The following CDH13 variants were observed in gnomAD, a reference collection of about 807,000 sequenced individuals.
CDH13 encodes cadherin 13.
In CDH13, 24 loss-of-function variants were observed where a neutral mutation model predicts 63.8. That is an observed-to-expected ratio of 0.38 (90% CI 0.27 to 0.53). The LOEUF is 0.53. Among genes scored for constraint, CDH13 ranks in the 20% least tolerant of loss-of-function variants. The pLI is 0.85. For missense variants in CDH13, 1,049 were observed against 903.1 expected, an observed-to-expected ratio of 1.16 and a Z score of -2.07; for synonymous variants, 503 against 355.3, an observed-to-expected ratio of 1.42 and a Z score of -4.67.
chr16:83,484,445 T>C (rs2073841360), intron 6 of CDH13, among the ~76,000 whole-genome samples: 1 of 152,256 alleles, frequency 6.6e-6, no homozygotes, highest in East Asian at 1.9e-4. Flanking sequence ...TAAAAAGTTA[T>C]GGTTAGGCAG....
At chr16:83,454,117 T>C (rs1252276564) in intron 6 of CDH13, among the ~76,000 whole-genome samples, 2 of 152,202 alleles carry the variant, frequency 1.3e-5, no homozygotes, top group Non-Finnish European at 2.9e-5. Context: ...TAGGAGATTC[T>C]CCAAAAGAAG....
intron 10 of CDH13, among the ~76,000 whole-genome samples, chr16:83,703,108 C>T (rs915914615): frequency 6.6e-6 from 1 of 152,208 alleles, no homozygotes. Context: ...AATAGAGCTG[C>T]ATCCCTAAGC....
rs74035611 is a variant in CDH13 at position 83,377,380 on chromosome 16, C to G, written c.781+32374C>G. Among the ~76,000 whole-genome samples the G allele has an allele frequency of 7.6e-3, 1,161 of 152,284 alleles. 13 individuals are homozygous for G. The highest frequency in any genetic ancestry group is 0.027 in the African/African-American group (1,121 of 41,554). On this transcript the variant is annotated intron_variant, in intron 6 of 13. Coordinates refer to ENST00000567109, the MANE Select transcript of CDH13 (RefSeq NM_001257.5). ...CCTGGTCCATCTCTTCCTCTTCTTG[C>G]CACATCTCAAAGGCTATCTCTCTAT...
chr16:82,700,520 AGTGT>A (rs5818398), intron 1 of CDH13, among the ~76,000 whole-genome samples: 79,754 of 150,654 alleles, frequency 0.53, 21,234 homozygotes, highest in African/African-American at 0.63. Flanking sequence ...AGGGCTAGTA[AGTGT>A]GTGTGTGTGT....
At chr16:83,526,973 A>T (rs2151627325) in intron 7 of CDH13, among the ~76,000 whole-genome samples, 1 of 152,104 alleles carries the variant, frequency 6.6e-6, no homozygotes, top group East Asian at 1.9e-4. Context: ...CTATACTAAA[A>T]CTACAAAAAT....
At chr16:83,303,369 G>T (rs1316392657) in intron 5 of CDH13, among the ~76,000 whole-genome samples, 6 of 152,178 alleles carry the variant, frequency 3.9e-5, no homozygotes, top group African/African-American at 1.4e-4. Flanking sequence ...ATTGGGGAAT[G>T]AGAGATTGAG....
chr16:83,206,518 C>T (rs956105836), intron 4 of CDH13, among the ~76,000 whole-genome samples: 9 of 152,202 alleles, frequency 5.9e-5, no homozygotes, highest in African/African-American at 1.4e-4. Flanking sequence ...CACATGCACC[C>T]GACAGTTTTG....
intron 3 of CDH13, among the ~76,000 whole-genome samples, chr16:83,098,524 A>G (rs79604105): frequency 0.014 from 2,068 of 152,322 alleles, 46 homozygotes; most frequent in African/African-American, 0.047. Flanking sequence ...AACATTTCTT[A>G]CAATGAGGTT....
At chr16:83,488,604 C>G (rs75376121) in intron 7 of CDH13, among the ~76,000 whole-genome samples, 25,790 of 151,980 alleles carry the variant, frequency 0.17, 2,511 homozygotes, top group South Asian at 0.25. Context: ...CCAACCCTCC[C>G]TATTTTTTTA....
At chr16:83,782,692 C>T (rs1463600330) in intron 12 of CDH13, among the ~76,000 whole-genome samples, 1 of 148,686 alleles carries the variant, frequency 6.7e-6, no homozygotes, top group Non-Finnish European at 1.5e-5. Context: ...GCCAAGATTG[C>T]ACCACTGCAC....
At chr16:82,670,482 G>C (rs1597275018) in intron 1 of CDH13, among the ~76,000 whole-genome samples, 1 of 152,204 alleles carries the variant, frequency 6.6e-6, no homozygotes, top group Non-Finnish European at 1.5e-5. Context: ...CTCACATGTA[G>C]AAGGAAGTGT....
chr16:82,651,347 C>T (rs922453567), intron 1 of CDH13, among the ~76,000 whole-genome samples: 18 of 152,196 alleles, frequency 1.2e-4, no homozygotes, highest in Admixed American at 6.5e-5. Context: ...GGCACACACA[C>T]ATATACCATC....
At chr16:83,647,036 C>T (rs574818982) in intron 8 of CDH13, among the ~76,000 whole-genome samples, 3 of 152,054 alleles carry the variant, frequency 2.0e-5, no homozygotes, top group Admixed American at 6.5e-5. Context: ...ATCGGCCAGG[C>T]GCGGTGGCTC....
At chr16:82,723,434 G>C (rs550351358) in intron 1 of CDH13, among the ~76,000 whole-genome samples, 1 of 152,068 alleles carries the variant, frequency 6.6e-6, no homozygotes, top group Non-Finnish European at 1.5e-5. Context: ...CCTCCCTTAA[G>C]TTCTCTGTGA....
chr16:83,242,235 T>A (rs1361943196), intron 5 of CDH13, among the ~76,000 whole-genome samples: 1 of 152,198 alleles, frequency 6.6e-6, no homozygotes, highest in African/African-American at 2.4e-5. Flanking sequence ...CATTGCTTTG[T>A]AGTATGTTTC....
intron 2 of CDH13, among the ~76,000 whole-genome samples, chr16:82,967,326 C>T (rs960445980): frequency 1.3e-5 from 2 of 152,152 alleles, no homozygotes; most frequent in African/African-American, 4.8e-5. Flanking sequence ...CTTTATAGCT[C>T]TAATCACAAC....
At chr16:83,227,250 T>G (rs1425502248) in intron 5 of CDH13, among the ~76,000 whole-genome samples, 1 of 152,200 alleles carries the variant, frequency 6.6e-6, no homozygotes, top group Non-Finnish European at 1.5e-5. Context: ...CTCTGACACC[T>G]GTAGCACTGT....
chr16:83,021,772 G>T (rs1284846851), intron 2 of CDH13, among the ~76,000 whole-genome samples: 1 of 152,168 alleles, frequency 6.6e-6, no homozygotes, highest in Non-Finnish European at 1.5e-5. Flanking sequence ...AACCAGTCAT[G>T]GCTAGAATAC....
intron 8 of CDH13, among the ~76,000 whole-genome samples, chr16:83,651,103 A>G (rs935076237): frequency 6.6e-6 from 1 of 152,068 alleles, no homozygotes; most frequent in African/African-American, 2.4e-5. Context: ...CCTGTCTCAA[A>G]AAATAATAAA....
Sources: allele counts gnomAD v4.1 joint callset (sites outside exome capture counted in the v4.1 genomes callset), GRCh38; gene constraint gnomAD v4.1.1; transcripts MANE v1.5; gene names NCBI Gene and HGNC (gene_info 2026-07-23, HGNC 2026-07-21).